GOSR2: variants seen among roughly 807,000 people sequenced by gnomAD.
The protein encoded by GOSR2 is 27 kDa Golgi SNARE protein.
A neutral mutation model predicts 27.9 loss-of-function variants in GOSR2; 20 were observed. The ratio of observed to expected loss-of-function variants is 0.72; its 90% CI spans 0.50 to 1.04. The LOEUF is 1.04. Ranked by LOEUF, GOSR2 falls within the 50% of genes least tolerant of loss-of-function variation. The pLI is 0.00. For synonymous variants in GOSR2, 91 were observed against 98.8 expected (o/e 0.92, Z 0.47); for missense variants, 261 against 270.5 (o/e 0.97, Z 0.25).
downstream of GOSR2, among the ~76,000 whole-genome samples, chr17:46,943,178 C>G (rs191264403): frequency 6.6e-6 from 1 of 152,100 alleles, no homozygotes; most frequent in African/African-American, 2.4e-5. Flanking sequence ...CTGGCCGCAC[C>G]GTGGGAACCA....
Position 46,932,131 on chromosome 17 carries a change from C to T in GOSR2, c.268C>T (p.Arg90Trp), listed in dbSNP as rs201101417. The T allele has an allele frequency of 2.0e-5, 32 of 1,613,888 alleles. No individual in the cohort carries two copies. The highest frequency in any genetic ancestry group is 2.4e-5 in the Non-Finnish European group (28 of 1,179,916). ...LQTALRNFQH[R>W]RHAREQQERQ... Reference sequence around the variant, plus strand: ...GACTGCGCTCAGAAACTTCCAGCATCGGCGCCATGCAAGGGAGCAGCAGGA... The same window carrying T: ...GACTGCGCTCAGAAACTTCCAGCATTGGCGCCATGCAAGGGAGCAGCAGGA... Residue 90 changes from arginine to tryptophan, a missense_variant, in exon 4 of 6, where the codon CGG (arginine) becomes TGG (tryptophan). By Grantham distance (101) the Arg-to-Trp change is moderately radical (BLOSUM62 -3). Coordinates refer to ENST00000640051, the MANE Select transcript of GOSR2 (RefSeq NM_004287.5).
rs2089191864 is a variant in GOSR2, at chr17:46,940,970, A to G, written c.*2210A>G. On this transcript the variant is annotated 3_prime_UTR_variant, in exon 6 of 6. Coordinates refer to ENST00000640051, the MANE Select transcript of GOSR2 (RefSeq NM_004287.5). ...GTGACTCTCTCCACCGCCTCAGTGTAGGGAAGGGTCCAGGCCAGGGAAGGA... is the reference window on the plus strand; with the variant it reads ...GTGACTCTCTCCACCGCCTCAGTGTGGGGAAGGGTCCAGGCCAGGGAAGGA... 6 of 1,222,422 alleles carry G rather than the reference A, an allele frequency of 4.9e-6. No individual in the cohort carries two copies. The highest frequency in any genetic ancestry group is 1.6e-5 in the African/African-American group (1 of 64,226). 75.7% of individuals were successfully genotyped at this position (1,222,422 alleles called of 1,614,324 possible). A position where few individuals can be genotyped will look rare whatever the true frequency, so the allele number is the denominator to read the frequency against.
chr17:46,952,987 A>G (rs1028058472), intron 6 of GOSR2, among the ~76,000 whole-genome samples: 3 of 152,106 alleles, frequency 2.0e-5, no homozygotes, highest in Non-Finnish European at 4.4e-5. Context: ...TATTCATTCA[A>G]ATGACTCTGA....
At chr17:46,958,363 C>T (rs1429388583) in intron 6 of GOSR2, among the ~76,000 whole-genome samples, 1 of 152,250 alleles carries the variant, frequency 6.6e-6, no homozygotes, top group Non-Finnish European at 1.5e-5. Flanking sequence ...CCACTCCTGA[C>T]AGTTGCAACA....
rs33927730 is a variant in GOSR2 at position 46,930,667 on chromosome 17, TAAA to T, written c.95-421_95-419del. The T allele has an allele frequency of 2.9e-4, 42 of 146,788 alleles. No individual in the cohort carries two copies. The South Asian group carries it at 3.2e-3, about 11-fold the overall frequency. The allele number at this position is 146,788 out of a possible 1,614,324, so 9.1% of individuals were successfully genotyped here. ...TCCTTTATGCTTTTTTTTTTTTAAA[TAAA>T]AAAAAAAAAACTCATTACTATAGGG... On this transcript the variant is annotated intron_variant, in intron 2 of 5. Transcript: ENST00000640051.
intron 1 of GOSR2, chr17:46,923,948 G>A (rs1021503390): frequency 3.5e-5 from 14 of 398,164 alleles, no homozygotes; most frequent in African/African-American, 8.2e-5. Flanking sequence ...TTGGAGGGAC[G>A]GAATTTTATG....
chr17:46,957,935 A>G (rs1333376324), intron 6 of GOSR2, among the ~76,000 whole-genome samples: 1 of 152,168 alleles, frequency 6.6e-6, no homozygotes, highest in Non-Finnish European at 1.5e-5. Context: ...TAGCATGGCA[A>G]TGGAAGTGAG....
chr17:46,946,233 C>T (rs561330030), downstream of GOSR2, among the ~76,000 whole-genome samples: 1 of 146,172 alleles, frequency 6.8e-6, no homozygotes, highest in African/African-American at 2.6e-5. Flanking sequence ...GTCAGGAGTT[C>T]GAGACCAGCC....
chr17:46,923,451 CTGCAAGTTCG>C (rs1226968629), intron 1 of GOSR2: 4 of 1,400,776 alleles, frequency 2.9e-6, no homozygotes, highest in Non-Finnish European at 3.7e-6. Flanking sequence ...CTCCTGGGGT[CTGCAAGTTCG>C]TGACTACCTG....
Position 46,923,177 on chromosome 17 carries a change from C to T in GOSR2, c.-16C>T, listed in dbSNP as rs373192791. 1.2e-5 allele frequency: 18 copies of T among 1,526,466 alleles called. No homozygotes were observed. The highest frequency in any genetic ancestry group is 1.7e-4 in the Middle Eastern group (1 of 5,886). The allele number at this position is 1,526,466 out of a possible 1,614,324, so 94.6% of individuals were successfully genotyped here. ...AGGAAGCCAGAGCCGGAGCCGTGGC[C>T]TGCGGGGCCGGCGACATGGATCCCC... is the stretch of plus-strand genomic sequence containing the variant. On this transcript the variant is annotated 5_prime_UTR_variant, in exon 1 of 6. Transcript: ENST00000640051.
chr17:46,942,036 G>C (rs1291293157), downstream of GOSR2: 1 of 777,472 alleles, frequency 1.3e-6, no homozygotes, highest in Non-Finnish European at 1.6e-6. Context: ...GTCCAAAAAA[G>C]ATTTGAGGAG....
chr17:46,956,405 C>CT (rs1165280499), intron 6 of GOSR2, among the ~76,000 whole-genome samples: 1 of 150,702 alleles, frequency 6.6e-6, no homozygotes, highest in African/African-American at 2.4e-5. Context: ...ATTCTCCTGC[C>CT]TCAGCCTCCC....
At chr17:46,935,286 A>G (rs1432237002) in intron 5 of GOSR2, 117 bp downstream of exon 5, 3 of 1,584,810 alleles carry the variant, frequency 1.9e-6, no homozygotes, top group Non-Finnish European at 2.6e-6. Context: ...TTTGATGACA[A>G]GACAGAGCCC....
At chr17:46,950,846 TGGG>T (rs747481823) in intron 6 of GOSR2, among the ~76,000 whole-genome samples, 1 of 152,174 alleles carries the variant, frequency 6.6e-6, no homozygotes, top group Non-Finnish European at 1.5e-5. Context: ...GAAGTGGTCT[TGGG>T]GACCACCAAG....
chr17:46,925,868 G>A (rs997058897), intron 1 of GOSR2, among the ~76,000 whole-genome samples: 4 of 152,178 alleles, frequency 2.6e-5, no homozygotes, highest in African/African-American at 9.7e-5. Flanking sequence ...ATGAATGAAT[G>A]AAAACAATAA....
chr17:46,974,925 C>T (rs1462291432), intron 6 of GOSR2, among the ~76,000 whole-genome samples: 2 of 150,712 alleles, frequency 1.3e-5, no homozygotes, highest in East Asian at 1.9e-4. Context: ...CTACTATTTT[C>T]GTCATGCTTA....
At chr17:46,931,953 G>A in intron 3 of GOSR2, 114 bp from the exon 4 acceptor site, 1 of 860,376 alleles carries the variant, frequency 1.2e-6, no homozygotes, top group East Asian at 2.4e-5. Context: ...TATAGTGTGG[G>A]GTGGTGTAGG....
At chr17:46,962,717 A>G (rs1228593918) in intron 6 of GOSR2, among the ~76,000 whole-genome samples, 1 of 152,210 alleles carries the variant, frequency 6.6e-6, no homozygotes, top group Non-Finnish European at 1.5e-5. Flanking sequence ...TAGCCAGCCA[A>G]GTCCTTGAAG....
downstream of GOSR2, among the ~76,000 whole-genome samples, chr17:46,970,535 CAAAAAAA>C (rs58781204): frequency 2.9e-3 from 149 of 51,218 alleles, 1 homozygote; most frequent in African/African-American, 9.6e-3. Context: ...GACTCCATCT[CAAAAAAA>C]AAAAAAAAAA....
Sources: allele counts gnomAD v4.1 joint callset (sites outside exome capture counted in the v4.1 genomes callset), GRCh38; gene constraint gnomAD v4.1.1; transcripts MANE v1.5; gene names NCBI Gene and HGNC (gene_info 2026-07-23, HGNC 2026-07-21).